SAMD5: variants seen among roughly 807,000 people sequenced by gnomAD.
SAMD5 encodes sterile alpha motif domain containing 5, also known as sterile alpha motif domain-containing protein 5.
Under a neutral mutation model 11.3 loss-of-function variants are expected in SAMD5, and 13 were observed. That is an observed-to-expected ratio of 1.15 (90% CI 0.75 to 1.83). The LOEUF (loss-of-function observed/expected upper bound fraction) is 1.83. SAMD5 is among the 40% of genes most tolerant of loss of function. The pLI is 0.00. For missense variants in SAMD5, 255 were observed against 239.1 expected, an observed-to-expected ratio of 1.07 and a Z score of -0.44; for synonymous variants, 129 against 111.3, an observed-to-expected ratio of 1.16 and a Z score of -1.00.
At chr6:147,621,019 G>A (rs1463189411) in intron 1 of SAMD5, among the ~76,000 whole-genome samples, 1 of 151,578 alleles carries the variant, frequency 6.6e-6, no homozygotes, top group Admixed American at 6.6e-5. Flanking sequence ...CGCATGTAGG[G>A]AAAAATTTGG....
chr6:147,897,716 G>T, the SAMD5 span, among the ~76,000 whole-genome samples: 1 of 151,962 alleles, frequency 6.6e-6, no homozygotes, highest in Non-Finnish European at 1.5e-5. Flanking sequence ...AAGCCAAGGC[G>T]GGTGGATCAC....
chr6:147,632,170 C>T (rs146887952), intron 1 of SAMD5, among the ~76,000 whole-genome samples: 317 of 152,212 alleles, frequency 2.1e-3, no homozygotes, highest in Non-Finnish European at 3.6e-3. Context: ...CTGCCCTGAG[C>T]GATGGGATCT....
rs923069047 is a variant in SAMD5, at chr6:147,568,392, A to G, written c.*3936A>G. ...CATAATTAAAATGCTTGGACAAAACATTTGCTTTATATAGATTCTTACAAG... is the reference window on the plus strand; with the variant it reads ...CATAATTAAAATGCTTGGACAAAACGTTTGCTTTATATAGATTCTTACAAG... On this transcript the variant is annotated 3_prime_UTR_variant, in exon 2 of 2. Coordinates refer to ENST00000367474, the MANE Select transcript of SAMD5 (RefSeq NM_001030060.3). The G allele has an allele frequency of 3.7e-5, 36 of 984,830 alleles. No individual in the cohort carries two copies. Among genetic ancestry groups the G allele is most frequent in the Non-Finnish European group, 9.6e-6 (8 of 829,472 alleles). 61.0% of individuals were successfully genotyped at this position (984,830 alleles called of 1,614,324 possible).
chr6:147,578,934 A>G (rs930691213), intron 1 of SAMD5, among the ~76,000 whole-genome samples: 11 of 152,366 alleles, frequency 7.2e-5, no homozygotes, highest in African/African-American at 2.6e-4. Flanking sequence ...CTGCCTCAGG[A>G]TAATATAAAT....
chr6:147,877,971 A>G, the SAMD5 span, among the ~76,000 whole-genome samples: 1 of 85,824 alleles, frequency 1.2e-5, no homozygotes, highest in Non-Finnish European at 2.5e-5. Flanking sequence ...GGTGGACATC[A>G]GTGGTAAGAT....
chr6:147,698,393 T>C (rs1791208232), intron 1 of SAMD5, among the ~76,000 whole-genome samples: 1 of 152,174 alleles, frequency 6.6e-6, no homozygotes, highest in African/African-American at 2.4e-5. Flanking sequence ...AATAATGGCA[T>C]TTTCTACACT....
At chr6:147,576,276 G>A in intron 1 of SAMD5, among the ~76,000 whole-genome samples, 1 of 151,972 alleles carries the variant, frequency 6.6e-6, no homozygotes, top group Non-Finnish European at 1.5e-5. Context: ...GAGTAGCTGG[G>A]ATTACAGGCG....
chr6:147,571,497 A>G (rs1287074217), downstream of SAMD5, among the ~76,000 whole-genome samples: 1 of 132,550 alleles, frequency 7.5e-6, no homozygotes, highest in Non-Finnish European at 1.6e-5. Flanking sequence ...CCCCCTGCCC[A>G]CCTCCTAGAG....
chr6:147,565,008 A>G lies in SAMD5; in HGVS notation c.*552A>G, dbSNP rs1362095105. The G allele has an allele frequency of 1.1e-6, 1 of 903,260 alleles. No homozygotes were observed. The allele number at this position is 903,260 out of a possible 1,614,324, so 56.0% of individuals were successfully genotyped here. On this transcript the variant is annotated 3_prime_UTR_variant, in exon 2 of 2. Coordinates refer to ENST00000367474, the MANE Select transcript of SAMD5 (RefSeq NM_001030060.3). The stretch of plus-strand genomic sequence containing the variant: ...GTTTGGTGAAGGAATTCTTATTTTA[A>G]GGTGCTTTTATATAGTTATTTTGTA...
chr6:147,575,563 AATT>A, intron 1 of SAMD5, among the ~76,000 whole-genome samples: 1 of 152,372 alleles, frequency 6.6e-6, no homozygotes, highest in East Asian at 1.9e-4. Context: ...ATACGTGTTA[AATT>A]TGAAAATATG....
At chr6:147,539,606 A>T (rs1788567092) in intron 1 of SAMD5, among the ~76,000 whole-genome samples, 1 of 151,958 alleles carries the variant, frequency 6.6e-6, no homozygotes, top group African/African-American at 2.4e-5. Flanking sequence ...TTTTTCCCAA[A>T]ATGGGGCCTG....
chr6:147,836,860 G>A, the SAMD5 span, among the ~76,000 whole-genome samples: 1 of 152,164 alleles, frequency 6.6e-6, no homozygotes, highest in Non-Finnish European at 1.5e-5. Context: ...ACAAATGAGT[G>A]AATGGCAATT....
rs1789030352 is a variant in SAMD5, at chr6:147,565,834, G to A, written c.*1378G>A. Reference sequence around the variant, plus strand: ...GGGACCAAAAACTTAGTTGAAAGAAGCCATGGCAAAAGATGTTGACGTACA... The same window carrying A: ...GGGACCAAAAACTTAGTTGAAAGAAACCATGGCAAAAGATGTTGACGTACA... On this transcript the variant is annotated 3_prime_UTR_variant, in exon 2 of 2. Coordinates refer to ENST00000367474, the MANE Select transcript of SAMD5 (RefSeq NM_001030060.3). 1.2e-5 allele frequency: 12 copies of A among 985,374 alleles called. No individual in the cohort carries two copies. The highest frequency in any genetic ancestry group is 1.4e-5 in the Non-Finnish European group (12 of 829,930). 61.0% of individuals were successfully genotyped at this position (985,374 alleles called of 1,614,324 possible).
intron 1 of SAMD5, among the ~76,000 whole-genome samples, chr6:147,700,413 T>C (rs1791236766): frequency 6.6e-6 from 1 of 152,174 alleles, no homozygotes; most frequent in South Asian, 2.1e-4. Context: ...ACCCCCATTT[T>C]TCTTATCTAA....
At chr6:147,645,081 A>G (rs1422914067) in intron 1 of SAMD5, among the ~76,000 whole-genome samples, 1 of 152,196 alleles carries the variant, frequency 6.6e-6, no homozygotes, top group Admixed American at 6.5e-5. Context: ...AAGATGTGGA[A>G]TGCCAGAATC....
At chr6:147,682,049 G>T (rs534648967) in intron 1 of SAMD5, among the ~76,000 whole-genome samples, 1 of 152,274 alleles carries the variant, frequency 6.6e-6, no homozygotes, top group East Asian at 1.9e-4. Flanking sequence ...CTCATTCTGT[G>T]CATGTCATCC....
chr6:147,713,912 C>T (rs1356065593), intron 1 of SAMD5, among the ~76,000 whole-genome samples: 1 of 152,088 alleles, frequency 6.6e-6, no homozygotes, highest in Non-Finnish European at 1.5e-5. Context: ...TCATCCCTCC[C>T]TTCCTATAAA....
chr6:147,608,749 T>C (rs1388689371), intron 1 of SAMD5, among the ~76,000 whole-genome samples: 1 of 152,182 alleles, frequency 6.6e-6, no homozygotes, highest in East Asian at 1.9e-4. Context: ...AATCAACTTA[T>C]GATAGCCAAC....
chr6:147,829,416 G>C, the SAMD5 span, among the ~76,000 whole-genome samples: 31 of 152,314 alleles, frequency 2.0e-4, no homozygotes, highest in Non-Finnish European at 3.8e-4. Context: ...GCATGGCGTA[G>C]TCTCAGTTTC....
Sources: gnomAD v4.1 joint callset for allele counts (sites outside exome capture counted in the v4.1 genomes callset) on GRCh38, gnomAD v4.1.1 for gene constraint, MANE v1.5 for transcripts, NCBI Gene and HGNC (gene_info 2026-07-23, HGNC 2026-07-21) for gene names.